The following CDRT4 variants were observed in gnomAD, a reference collection of about 807,000 sequenced individuals.
CDRT4 encodes the protein CMT1A duplicated region transcript 4 protein.
For missense variants in CDRT4, 167 were observed against 193.1 expected (o/e 0.87, Z 0.80); for synonymous variants, 64 against 69.6 (o/e 0.92, Z 0.40).
In CDRT4 at chr17:15,466,551, C is replaced by T. The variant is rs569385119; in HGVS notation, c.-130+909G>A. Among the ~76,000 whole-genome samples, 13 of 152,232 alleles carry T rather than the reference C, an allele frequency of 8.5e-5. No individual in the cohort carries two copies. In the East Asian group the frequency reaches 2.5e-3, roughly 29 times the overall value. ...TTTTTAATTTTTACTTTTATAGAGA[C>T]AGTCTCACTGACACCCAGGCTGGAG... On this transcript the variant is annotated intron_variant, in intron 1 of 3. Transcript: ENST00000619038.
intron 2 of CDRT4, among the ~76,000 whole-genome samples, chr17:15,446,154 G>A (rs994362181): frequency 3.3e-5 from 5 of 152,024 alleles, no homozygotes; most frequent in African/African-American, 4.8e-5. Flanking sequence ...CGAATGGGCC[G>A]ACAAGAGACC....
intron 2 of CDRT4, chr17:15,443,852 T>C: frequency 1.7e-6 from 1 of 589,852 alleles, no homozygotes; most frequent in Non-Finnish European, 3.3e-6. Context: ...ATTTTACTCA[T>C]GTACAGAACA....
Position 15,437,737 on chromosome 17 carries a change from C to T in CDRT4, c.*36G>A. The stretch of plus-strand genomic sequence containing the variant: ...GTTCTTGGGGAATGGCTGCAGGGAC[C>T]CCTGGCTAAAACATTTGCATGTTTC... On this transcript the variant is annotated 3_prime_UTR_variant, in exon 4 of 4. Transcript: ENST00000619038. The T allele has an allele frequency of 6.3e-7, 1 of 1,598,494 alleles. No individual in the cohort carries two copies. Among genetic ancestry groups the T allele is most frequent in the African/African-American group, 1.3e-5 (1 of 74,640 alleles).
At chr17:15,457,112 A>C (rs1356157078) in intron 1 of CDRT4, among the ~76,000 whole-genome samples, 1 of 152,000 alleles carries the variant, frequency 6.6e-6, no homozygotes, top group Non-Finnish European at 1.5e-5. Context: ...CTGGGTAAAA[A>C]TGAGGATTGA....
chr17:15,440,809 C>T (rs143623370), intron 2 of CDRT4, among the ~76,000 whole-genome samples: 2 of 152,260 alleles, frequency 1.3e-5, no homozygotes, highest in East Asian at 3.9e-4. Context: ...CTCTATGCAA[C>T]CATGCAGGGG....
chr17:15,442,109 A>C (rs1978788873), intron 2 of CDRT4, among the ~76,000 whole-genome samples: 1 of 152,156 alleles, frequency 6.6e-6, no homozygotes, highest in Non-Finnish European at 1.5e-5. Flanking sequence ...TCCATATTTT[A>C]GCATTGTTAG....
chr17:15,437,924 C>T lies in CDRT4; in HGVS notation c.308G>A (p.Gly103Asp), dbSNP rs141346403. The change falls in exon 4 of 4, where the codon GGC becomes GAC. Residue 103 changes from glycine to aspartate, a missense_variant. Physicochemically the swap from Gly to Asp is moderately conservative, Grantham distance 94. Transcript: ENST00000619038. ...AGCCATGGCCAATACCGAATAAGCG[C>T]CCCACATTGATAACGTGGATTCTGA... ...TLSESTLSMWGAYSVLAMAPT... is the reference protein window; with the variant it reads ...TLSESTLSMWDAYSVLAMAPT... 1.4e-5 allele frequency: 22 copies of T among 1,614,056 alleles called. No homozygotes were observed. The highest frequency in any genetic ancestry group is 1.5e-5 in the Non-Finnish European group (18 of 1,180,038).
At chr17:15,453,206 A>T (rs1389486883) in intron 1 of CDRT4, 121 bp from the exon 2 acceptor site, 3 of 152,060 alleles carry the variant, frequency 2.0e-5, no homozygotes, top group African/African-American at 7.2e-5. Flanking sequence ...GTTGCCTATA[A>T]TTAAAAATTA....
chr17:15,465,348 T>A (rs915853828), intron 1 of CDRT4, among the ~76,000 whole-genome samples: 1 of 102,014 alleles, frequency 9.8e-6, no homozygotes, highest in Non-Finnish European at 2.0e-5. Context: ...CACAGACACA[T>A]ACCAACACCA....
chr17:15,465,382 AAC>A lies in CDRT4; in HGVS notation c.-130+2076_-130+2077del, dbSNP rs374517566. The stretch of plus-strand genomic sequence containing the variant: ...CAGACACACCAACACAGACACACAT[AAC>A]ACACACACCAACACACACACACAAC... On this transcript the variant is annotated intron_variant, in intron 1 of 3. Coordinates refer to ENST00000619038, the MANE Select transcript of CDRT4 (RefSeq NM_001204477.2). 7.4e-3 allele frequency among the ~76,000 whole-genome samples: 1,086 copies of A among 147,214 alleles called. 15 individuals are homozygous for A. The highest frequency in any genetic ancestry group is 0.024 in the African/African-American group (969 of 39,826).
intron 1 of CDRT4, among the ~76,000 whole-genome samples, chr17:15,460,216 G>T (rs1979686001): frequency 6.6e-6 from 1 of 151,978 alleles, no homozygotes. Flanking sequence ...TTCCCCACTG[G>T]CCTTCTTCCA....
At chr17:15,456,124 C>A (rs962637900) in intron 1 of CDRT4, among the ~76,000 whole-genome samples, 1 of 152,154 alleles carries the variant, frequency 6.6e-6, no homozygotes, top group African/African-American at 2.4e-5. Flanking sequence ...CATTCCATCT[C>A]CAGAGGACAC....
intron 1 of CDRT4, among the ~76,000 whole-genome samples, chr17:15,458,565 C>G (rs909674027): frequency 1.3e-5 from 2 of 152,128 alleles, no homozygotes; most frequent in Non-Finnish European, 2.9e-5. Context: ...TGAAGAGGCC[C>G]AAGAAACAAA....
chr17:15,462,798 C>G (rs1979817223), intron 1 of CDRT4, among the ~76,000 whole-genome samples: 1 of 151,978 alleles, frequency 6.6e-6, no homozygotes, highest in South Asian at 2.1e-4. Context: ...GAGTAGTGAC[C>G]TCTGAGGATT....
At position 15,437,734 on chromosome 17, in the gene CDRT4, G is replaced by A. The variant is rs1462731975; in HGVS notation, c.*39C>T. 6.3e-7 allele frequency: 1 copy of A among 1,593,366 alleles called. No individual in the cohort carries two copies. ...TACGTTCTTGGGGAATGGCTGCAGGGACCCCTGGCTAAAACATTTGCATGT... is the reference window on the plus strand; with the variant it reads ...TACGTTCTTGGGGAATGGCTGCAGGAACCCCTGGCTAAAACATTTGCATGT... On this transcript the variant is annotated 3_prime_UTR_variant, in exon 4 of 4. Coordinates refer to ENST00000619038, the MANE Select transcript of CDRT4 (RefSeq NM_001204477.2).
At chr17:15,452,416 C>T (rs1182771826) in intron 2 of CDRT4, 1 of 152,224 alleles carries the variant, frequency 6.6e-6, no homozygotes, top group African/African-American at 2.4e-5. Context: ...GAAATGAAAC[C>T]TTGTCTAACA....
chr17:15,459,093 G>A (rs533476403), intron 1 of CDRT4, among the ~76,000 whole-genome samples: 1 of 152,296 alleles, frequency 6.6e-6, no homozygotes, highest in African/African-American at 2.4e-5. Flanking sequence ...CCTAGACTCA[G>A]AACAGCTATG....
intron 1 of CDRT4, among the ~76,000 whole-genome samples, chr17:15,457,726 G>GC (rs909283197): frequency 4.6e-5 from 7 of 152,294 alleles, no homozygotes; most frequent in Admixed American, 3.9e-4. Flanking sequence ...TCTCAAAAAA[G>GC]CCCCCCTGAG....
chr17:15,458,511 G>T (rs1330235114), intron 1 of CDRT4, among the ~76,000 whole-genome samples: 1 of 152,144 alleles, frequency 6.6e-6, no homozygotes, highest in Non-Finnish European at 1.5e-5. Flanking sequence ...GTCCTACTCA[G>T]TAGCGGGGCT....
Sources: gnomAD v4.1 joint callset for allele counts (sites outside exome capture counted in the v4.1 genomes callset) on GRCh38, gnomAD v4.1.1 for gene constraint, MANE v1.5 for transcripts, NCBI Gene and HGNC (gene_info 2026-07-23, HGNC 2026-07-21) for gene names.